Variants in FAM53B observed in about 807,000 individuals in gnomAD.
FAM53B encodes protein FAM53B.
In FAM53B, 12 loss-of-function variants were observed where a neutral mutation model predicts 32.7. The observed-to-expected ratio is 0.37, with a 90% CI of 0.24 to 0.59. FAM53B has a LOEUF of 0.59. FAM53B is among the 20% of genes least tolerant of loss of function. FAM53B has a pLI of 0.72. For missense variants in FAM53B, 477 were observed against 577.7 expected (o/e 0.83, Z 1.79); for synonymous variants, 234 against 228.7 (o/e 1.02, Z -0.21).
At chr10:124,642,209 C>T (rs1949480343) in intron 4 of FAM53B, among the ~76,000 whole-genome samples, 1 of 152,226 alleles carries the variant, frequency 6.6e-6, no homozygotes, top group Non-Finnish European at 1.5e-5. Flanking sequence ...AACAGTAGCC[C>T]TCCCTGCTGA....
chr10:124,697,737 A>C (rs1949883680), intron 2 of FAM53B, among the ~76,000 whole-genome samples: 1 of 151,954 alleles, frequency 6.6e-6, no homozygotes. Flanking sequence ...GGACCACAGG[A>C]GCTTCTAGGG....
intron 4 of FAM53B, among the ~76,000 whole-genome samples, chr10:124,664,888 T>G (rs555529246): frequency 2.2e-4 from 34 of 152,348 alleles, no homozygotes; most frequent in African/African-American, 7.9e-4. Flanking sequence ...TTTCTGCTGC[T>G]GCTCGATCCA....
chr10:124,728,423 C>G (rs900467671), intron 1 of FAM53B, among the ~76,000 whole-genome samples: 2 of 152,234 alleles, frequency 1.3e-5, no homozygotes, highest in African/African-American at 4.8e-5. Flanking sequence ...ACCAGGAGAG[C>G]TCCCTTCTGG....
At chr10:124,717,371 TCA>T (rs1950043734) in intron 1 of FAM53B, among the ~76,000 whole-genome samples, 1 of 152,158 alleles carries the variant, frequency 6.6e-6, no homozygotes, top group South Asian at 2.1e-4. Flanking sequence ...AGCATGAAAA[TCA>T]ATAGATTTGA....
chr10:124,667,661 CCCG>C (rs1345744570), intron 4 of FAM53B, among the ~76,000 whole-genome samples: 1 of 152,160 alleles, frequency 6.6e-6, no homozygotes, highest in Non-Finnish European at 1.5e-5. Context: ...GCCTCCCAGC[CCCG>C]CCCGGGGTCA....
At chr10:124,729,425 A>G (rs1290366782) in intron 1 of FAM53B, among the ~76,000 whole-genome samples, 6 of 152,206 alleles carry the variant, frequency 3.9e-5, no homozygotes, top group African/African-American at 1.4e-4. Context: ...ACGACCTCTT[A>G]AACACAACTT....
chr10:124,673,869 C>T (rs2134064224), intron 4 of FAM53B, among the ~76,000 whole-genome samples: 1 of 152,322 alleles, frequency 6.6e-6, no homozygotes, highest in East Asian at 1.9e-4. Context: ...GTGTTGGCTT[C>T]CCAGATAACC....
At chr10:124,737,244 C>T (rs542387203) in intron 1 of FAM53B, among the ~76,000 whole-genome samples, 1 of 152,368 alleles carries the variant, frequency 6.6e-6, no homozygotes, top group East Asian at 1.9e-4. Context: ...AAACCCAACT[C>T]CCCACAGGGG....
At chr10:124,699,421 TGA>T (rs1198699946) in intron 2 of FAM53B, among the ~76,000 whole-genome samples, 1 of 152,240 alleles carries the variant, frequency 6.6e-6, no homozygotes, top group African/African-American at 2.4e-5. Flanking sequence ...GAGGCCAGCC[TGA>T]GTGTCAGAGC....
intron 1 of FAM53B, among the ~76,000 whole-genome samples, chr10:124,743,761 C>T (rs1403170363): frequency 6.6e-6 from 1 of 152,130 alleles, no homozygotes; most frequent in East Asian, 1.9e-4. Context: ...TGCCTGTGCT[C>T]TGACAAGTCT....
chr10:124,673,704 C>T (rs1391170008), intron 4 of FAM53B, among the ~76,000 whole-genome samples: 1 of 152,206 alleles, frequency 6.6e-6, no homozygotes, highest in African/African-American at 2.4e-5. Flanking sequence ...AGTCCCTGGG[C>T]ATCTGTGGAG....
At chr10:124,725,938 G>C (rs999847484) in intron 1 of FAM53B, among the ~76,000 whole-genome samples, 1 of 152,116 alleles carries the variant, frequency 6.6e-6, no homozygotes, top group Non-Finnish European at 1.5e-5. Flanking sequence ...ATCCTTGCTG[G>C]GGGGAACACT....
At chr10:124,717,029 GA>G (rs2134093610) in intron 1 of FAM53B, among the ~76,000 whole-genome samples, 2 of 152,264 alleles carry the variant, frequency 1.3e-5, no homozygotes, top group East Asian at 3.9e-4. Flanking sequence ...ACCAACAGAA[GA>G]GGGGTGGAAA....
intron 1 of FAM53B, among the ~76,000 whole-genome samples, chr10:124,719,058 A>G (rs1013870978): frequency 1.7e-5 from 2 of 118,556 alleles, no homozygotes; most frequent in African/African-American, 5.6e-5. Context: ...AAAAAAAAAG[A>G]AGAAGAAGAA....
rs74533612 is a variant in FAM53B at position 124,682,093 on chromosome 10, G to C, written c.420C>G (p.Pro140=). 1 of 1,613,742 alleles carries C rather than the reference G, an allele frequency of 6.2e-7. No homozygotes were observed. The highest frequency in any genetic ancestry group is 2.2e-5 in the East Asian group (1 of 44,876). ...WRPLGSKVWT[P]VEKRRCYSGG... ...CGCTGTAGCAGCGTCTCTTTTCCAC[G>C]GGAGTCCAGACTTTGGAGCCCAAGG... Residue 140 remains proline, a synonymous_variant, in exon 4 of 5, where the codon CCC becomes CCG. Transcript: ENST00000337318. This position sits in a 1 kb window ranked among gnomAD's most constrained non-coding sequence, Gnocchi z 5.2.
chr10:124,662,746 C>T (rs1304085378), intron 4 of FAM53B, among the ~76,000 whole-genome samples: 1 of 152,122 alleles, frequency 6.6e-6, no homozygotes, highest in Admixed American at 6.6e-5. Flanking sequence ...ATCACTTGAG[C>T]CCAGGAGTTC....
At chr10:124,726,116 G>A (rs1950101430) in intron 1 of FAM53B, among the ~76,000 whole-genome samples, 1 of 152,200 alleles carries the variant, frequency 6.6e-6, no homozygotes, top group Non-Finnish European at 1.5e-5. Flanking sequence ...AGCCCTCCAG[G>A]TTGAGTCCGG....
chr10:124,730,140 T>C (rs1950131714), intron 1 of FAM53B, among the ~76,000 whole-genome samples: 1 of 152,240 alleles, frequency 6.6e-6, no homozygotes, highest in South Asian at 2.1e-4. Context: ...CTTTATCTGA[T>C]GCCCATGGAA....
chr10:124,675,607 G>T (rs1222166404), intron 4 of FAM53B, among the ~76,000 whole-genome samples: 2 of 152,208 alleles, frequency 1.3e-5, no homozygotes, highest in East Asian at 3.9e-4. Context: ...ATGAGGCCTG[G>T]GGCACACAGC....
Sources: allele counts gnomAD v4.1 joint callset (sites outside exome capture counted in the v4.1 genomes callset), GRCh38; gene constraint gnomAD v4.1.1; non-coding constraint Gnocchi (gnomAD v3.1); transcripts MANE v1.5; gene names NCBI Gene and HGNC (gene_info 2026-07-23, HGNC 2026-07-21).